Variants in UNC13A observed in about 807,000 individuals in gnomAD.
UNC13A encodes the protein unc-13 homolog A, also known as protein unc-13 homolog A.
In UNC13A, 61 loss-of-function variants were observed where a neutral mutation model predicts 219.7. The ratio of observed to expected loss-of-function variants is 0.28; its 90% confidence interval spans 0.23 to 0.34. The LOEUF is 0.34. Ranked by LOEUF, UNC13A falls within the 10% of genes least tolerant of loss-of-function variation. The probability of loss-of-function intolerance (pLI) is 1.00; values close to 1 mark genes in which losing one functional copy is unlikely to be tolerated. For synonymous variants in UNC13A, 920 were observed against 884.6 expected (o/e 1.04, Z -0.71); for missense variants, 1,476 against 2,270.3 (o/e 0.65, Z 7.11).
intron 36 of UNC13A, 146 bp from the exon 37 acceptor site, chr19:17,622,016 T>C (rs2076734273): frequency 5.4e-6 from 4 of 742,270 alleles, no homozygotes; most frequent in African/African-American, 1.7e-5. Flanking sequence ...AGTGTGTTTG[T>C]GTGTGTGTCT....
intron 8 of UNC13A, 142 bp downstream of exon 8, chr19:17,663,390 G>A: frequency 1.2e-6 from 1 of 818,156 alleles, no homozygotes; most frequent in Non-Finnish European, 1.9e-6. Flanking sequence ...GCTTGAAAGG[G>A]GTCTTGCTGA....
chr19:17,649,939 C>A lies in UNC13A; in HGVS notation c.1440-352G>T, dbSNP rs2079313034. On this transcript the variant is annotated intron_variant, in intron 12 of 43. Coordinates refer to ENST00000519716, the MANE Select transcript of UNC13A (RefSeq NM_001080421.3). This position sits in a 1 kb window ranked among gnomAD's most constrained non-coding sequence, Gnocchi z 4.4. Reference sequence around the variant, plus strand: ...ATACTCGGGGGCCAAGGAATTCAAGCAAACTAGAAGCTAGAAGAGGCAGGG... The same window carrying A: ...ATACTCGGGGGCCAAGGAATTCAAGAAAACTAGAAGCTAGAAGAGGCAGGG... Among the ~76,000 whole-genome samples the A allele has an allele frequency of 6.6e-6, 1 of 152,102 alleles. No individual in the cohort carries two copies. Among genetic ancestry groups the A allele is most frequent in the Non-Finnish European group, 1.5e-5 (1 of 68,020 alleles).
intron 8 of UNC13A, among the ~76,000 whole-genome samples, chr19:17,661,818 C>A (rs2079555512): frequency 6.6e-6 from 1 of 152,160 alleles, no homozygotes. Flanking sequence ...CTGTTAGGAG[C>A]TGGGGCGCAC....
intron 41 of UNC13A, chr19:17,612,126 A>G (rs2076611002): frequency 3.0e-6 from 1 of 332,740 alleles, no homozygotes; most frequent in Non-Finnish European, 5.5e-6. Flanking sequence ...TATTCCATTG[A>G]TTGCCATGTT....
chr19:17,623,589 A>G (rs577903242), intron 35 of UNC13A, 42 bp from the exon 36 acceptor site: 2 of 1,041,990 alleles, frequency 1.9e-6, no homozygotes, highest in South Asian at 3.5e-5. Context: ...GGAGGGGGGA[A>G]TAAGGTACCA....
At chr19:17,654,352 CTG>C (rs1220601354) in intron 11 of UNC13A, among the ~76,000 whole-genome samples, 6 of 152,170 alleles carry the variant, frequency 3.9e-5, no homozygotes, top group Admixed American at 3.9e-4. Flanking sequence ...AGCCTTTTCA[CTG>C]TGTCCTCTTC....
At chr19:17,687,453 G>C (rs144358007) in intron 1 of UNC13A, among the ~76,000 whole-genome samples, 204 of 152,196 alleles carry the variant, frequency 1.3e-3, no homozygotes, top group Middle Eastern at 3.4e-3. Flanking sequence ...AGAACCGGAG[G>C]GGGCAGGGAG....
At position 17,624,772 on chromosome 19, in the gene UNC13A, T is replaced by C. The variant is rs1460126314; in HGVS notation, c.4197+57A>G. On this transcript the variant is annotated intron_variant, in intron 35 of 43. Coordinates refer to ENST00000519716, the MANE Select transcript of UNC13A (RefSeq NM_001080421.3). ...CCCAGCCTCTAGGCACCAAGTTTTC[T>C]GGGCTCTCGCCAGGGAGGTGGCCTA... The C allele has an allele frequency of 1.9e-6, 3 of 1,559,186 alleles. No individual in the cohort carries two copies. In the Admixed American group the frequency reaches 5.8e-5, roughly 30 times the overall value.
At chr19:17,638,400 C>T (rs1320424557) in intron 25 of UNC13A, among the ~76,000 whole-genome samples, 2 of 151,926 alleles carry the variant, frequency 1.3e-5, no homozygotes, top group Non-Finnish European at 2.9e-5. Context: ...CCTGGGAGGT[C>T]GAGGCTGCAG....
At chr19:17,615,073 C>T (rs900419287) in intron 41 of UNC13A, among the ~76,000 whole-genome samples, 4 of 152,194 alleles carry the variant, frequency 2.6e-5, no homozygotes, top group Non-Finnish European at 5.9e-5. Context: ...TCCCCAAGTC[C>T]CGGGACCCCT....
chr19:17,618,520 G>T lies in UNC13A; in HGVS notation c.4330-19C>A. The T allele has an allele frequency of 1.3e-6, 2 of 1,574,080 alleles. No individual in the cohort carries two copies. Among genetic ancestry groups the T allele is most frequent in the Non-Finnish European group, 1.7e-6 (2 of 1,159,632 alleles). On this transcript the variant is annotated intron_variant, in intron 39 of 43. Transcript: ENST00000519716. ...TGTGATCCTGGATGGATGGGGAGAG[G>T]GGCCATGTGGGTGGAGTGGGCTCCA...
At chr19:17,631,077 TTCC>T (rs1568512894) in intron 28 of UNC13A, among the ~76,000 whole-genome samples, 29 of 39,980 alleles carry the variant, frequency 7.3e-4, no homozygotes, top group African/African-American at 1.1e-3. Context: ...CCCTCCCTCC[TTCC>T]TTCCTTCCTT....
At chr19:17,630,516 CAA>C in intron 29 of UNC13A, 136 bp downstream of exon 29, 1 of 1,181,858 alleles carries the variant, frequency 8.5e-7, no homozygotes, top group South Asian at 1.4e-5. Flanking sequence ...GATGAATGAA[CAA>C]AAGATTTTAA....
In UNC13A at chr19:17,602,884, C is replaced by A. The variant is rs745792857; in HGVS notation, c.*3170G>T. On this transcript the variant is annotated 3_prime_UTR_variant, in exon 44 of 44. Coordinates refer to ENST00000519716, the MANE Select transcript of UNC13A (RefSeq NM_001080421.3). ...CTCCCTGTCACCCACTTGTGCCCAG[C>A]CTGTGCTAGGTAAAGTTGGGGGTCC... is the stretch of plus-strand genomic sequence containing the variant. 1 of 152,390 alleles carries A rather than the reference C, an allele frequency of 6.6e-6. No homozygotes were observed. Among genetic ancestry groups the A allele is most frequent in the Non-Finnish European group, 1.5e-5 (1 of 68,106 alleles). The allele number at this position is 152,390 out of a possible 1,614,324, so 9.4% of individuals were successfully genotyped here. A position where few individuals can be genotyped will look rare whatever the true frequency, so the allele number is the denominator to read the frequency against.
chr19:17,646,866 G>A (rs1410716197), intron 17 of UNC13A, among the ~76,000 whole-genome samples: 1 of 152,068 alleles, frequency 6.6e-6, no homozygotes, highest in Non-Finnish European at 1.5e-5. Flanking sequence ...GCTCGACATT[G>A]TCCCCAGTGG....
chr19:17,666,191 T>C (rs752810136), intron 7 of UNC13A, among the ~76,000 whole-genome samples: 2,532 of 43,026 alleles, frequency 0.059, 64 homozygotes, highest in African/African-American at 0.17. Flanking sequence ...CTCTCTCTCT[T>C]TCTCTCTTTC....
chr19:17,680,727 G>A (rs971996226), intron 1 of UNC13A, among the ~76,000 whole-genome samples: 10 of 151,156 alleles, frequency 6.6e-5, no homozygotes, highest in African/African-American at 2.4e-4. Context: ...TGATTATAGT[G>A]TCATTTATAC....
intron 17 of UNC13A, 34 bp from the exon 18 acceptor site, chr19:17,646,145 C>G (rs139711761): frequency 1.1e-5 from 18 of 1,609,902 alleles, no homozygotes; most frequent in Non-Finnish European, 2.5e-6. Flanking sequence ...CAGGTGTGCA[C>G]TCAAGAAGCG....
intron 1 of UNC13A, among the ~76,000 whole-genome samples, chr19:17,684,914 T>G (rs1568277979): frequency 6.6e-6 from 1 of 152,228 alleles, no homozygotes; most frequent in African/African-American, 2.4e-5. Context: ...ACACACATAT[T>G]GATGTTTGCA....
Sources: gnomAD v4.1 joint callset for allele counts (sites outside exome capture counted in the v4.1 genomes callset) on GRCh38, gnomAD v4.1.1 for gene constraint, Gnocchi (gnomAD v3.1) non-coding constraint, MANE v1.5 for transcripts, NCBI Gene and HGNC (gene_info 2026-07-23, HGNC 2026-07-21) for gene names.